Variants in SLC4A5 observed in about 807,000 individuals in gnomAD.
SLC4A5 encodes the protein solute carrier family 4 member 5, also known as electrogenic sodium bicarbonate cotransporter 4.
SLC4A5 carries 96 observed loss-of-function variants against 120.4 expected under a neutral mutation model. The ratio of observed to expected loss-of-function variants is 0.80; its 90% CI spans 0.68 to 0.94. The LOEUF is 0.94. Among genes scored for constraint, SLC4A5 ranks in the 40% least tolerant of loss-of-function variants. The pLI, the probability that SLC4A5 is intolerant of heterozygous loss-of-function variation, is 0.00. For synonymous variants in SLC4A5, 550 were observed against 571.1 expected (o/e 0.96, Z 0.53); for missense variants, 1,259 against 1,459.5 (o/e 0.86, Z 2.24).
intron 22 of SLC4A5, among the ~76,000 whole-genome samples, chr2:74,233,896 C>T (rs1670182365): frequency 6.6e-6 from 1 of 152,080 alleles, no homozygotes; most frequent in African/African-American, 2.4e-5. Flanking sequence ...GGAATGAGGC[C>T]CAGCAGAAAA....
chr2:74,302,911 C>T (rs1052278763), intron 7 of SLC4A5, among the ~76,000 whole-genome samples: 1 of 152,156 alleles, frequency 6.6e-6, no homozygotes, highest in African/African-American at 2.4e-5. Flanking sequence ...ATCTCAGAGA[C>T]CATGTCAGTA....
intron 5 of SLC4A5, among the ~76,000 whole-genome samples, chr2:74,323,556 T>C (rs1673144521): frequency 6.6e-6 from 1 of 151,886 alleles, no homozygotes. Context: ...AGCTAGAAAA[T>C]GAGGCTTTGG....
intron 18 of SLC4A5, among the ~76,000 whole-genome samples, chr2:74,247,814 C>CA (rs980556428): frequency 3.3e-5 from 5 of 151,460 alleles, no homozygotes; most frequent in Admixed American, 6.6e-5. Flanking sequence ...CACGCCCGGC[C>CA]AAAAAAAAAT....
intron 23 of SLC4A5, among the ~76,000 whole-genome samples, chr2:74,233,061 AG>A (rs1207032649): frequency 6.6e-6 from 1 of 152,178 alleles, no homozygotes; most frequent in Non-Finnish European, 1.5e-5. Context: ...GAGACCAGGA[AG>A]GCTAAGGAAG....
intron 5 of SLC4A5, among the ~76,000 whole-genome samples, chr2:74,322,400 A>G (rs1288200590): frequency 2.0e-5 from 3 of 152,168 alleles, no homozygotes; most frequent in Non-Finnish European, 2.9e-5. Flanking sequence ...AAAACTTTAA[A>G]ACAAACAAAA....
At chr2:74,340,735 C>A (rs374034299) in intron 2 of SLC4A5, among the ~76,000 whole-genome samples, 24 of 152,154 alleles carry the variant, frequency 1.6e-4, no homozygotes, top group South Asian at 6.2e-4. Context: ...CTCTTCCAGG[C>A]AACAACCCTG....
chr2:74,227,063 T>G (rs781123009), exon 27 of SLC4A5: 1 of 1,613,910 alleles, frequency 6.2e-7, no homozygotes, highest in African/African-American at 1.3e-5. Flanking sequence ...CAGCGGCACG[T>G]GCCGCAGGAA....
intron 16 of SLC4A5, among the ~76,000 whole-genome samples, chr2:74,251,344 T>C (rs546768879): frequency 6.6e-6 from 1 of 152,190 alleles, no homozygotes; most frequent in Non-Finnish European, 1.5e-5. Context: ...CATGACTTCA[T>C]TCTCAAAGTC....
intron 7 of SLC4A5, among the ~76,000 whole-genome samples, chr2:74,303,246 C>A (rs1323838547): frequency 2.0e-5 from 3 of 152,128 alleles, no homozygotes; most frequent in Non-Finnish European, 4.4e-5. Context: ...AGGCCCTGGT[C>A]AACCTAATGC....
intron 4 of SLC4A5, among the ~76,000 whole-genome samples, chr2:74,329,964 ATGG>A (rs957862393): frequency 6.6e-5 from 10 of 151,270 alleles, no homozygotes; most frequent in African/African-American, 2.4e-4. Flanking sequence ...GAGGTAGTGT[ATGG>A]TGGTGTGAAG....
At position 74,237,873 on chromosome 2, in the gene SLC4A5, G is replaced by T. The variant is rs530561768; in HGVS notation, c.2319+1462C>A. On this transcript the variant is annotated intron_variant, in intron 21 of 30. Coordinates refer to ENST00000394019, the Ensembl canonical transcript of SLC4A5. ...TCCCAGCACTTTGGGAGGCTGAGGT[G>T]GGGGGATCACCTGAGGTAAGGAGTT... Among the ~76,000 whole-genome samples, 3 of 152,212 alleles carry T rather than the reference G, an allele frequency of 2.0e-5. No individual in the cohort carries two copies. In the South Asian group the frequency reaches 6.2e-4, roughly 32 times the overall value.
Position 74,259,570 on chromosome 2 carries a change from G to A in SLC4A5, c.867+18C>T, listed in dbSNP as rs768180959. 8 of 1,613,942 alleles carry A rather than the reference G, an allele frequency of 5.0e-6. No individual in the cohort carries two copies. The highest frequency in any genetic ancestry group is 6.8e-6 in the Non-Finnish European group (8 of 1,179,796). ...TGCCCTGGCCCTCCATTGCAGCTAA[G>A]TGCAGGGGTTTTACTACCTGGTCTG... is the stretch of plus-strand genomic sequence containing the variant. On this transcript the variant is annotated intron_variant, in intron 12 of 30. Transcript: ENST00000394019.
chr2:74,298,448 A>G (rs1270100271), intron 7 of SLC4A5, among the ~76,000 whole-genome samples: 1 of 152,248 alleles, frequency 6.6e-6, no homozygotes, highest in Non-Finnish European at 1.5e-5. Context: ...CTTAAATGTA[A>G]GACCTCAAAA....
chr2:74,238,666 G>C (rs1372790484), intron 21 of SLC4A5, among the ~76,000 whole-genome samples: 2 of 152,082 alleles, frequency 1.3e-5, no homozygotes, highest in Non-Finnish European at 2.9e-5. Context: ...AAATCACAAA[G>C]AAACACTGTC....
chr2:74,266,170 C>T (rs1045999676), intron 8 of SLC4A5, among the ~76,000 whole-genome samples: 6 of 152,098 alleles, frequency 3.9e-5, no homozygotes, highest in Admixed American at 6.5e-5. Flanking sequence ...TAGAAACTTG[C>T]GGAGAAGCTT....
intron 8 of SLC4A5, among the ~76,000 whole-genome samples, chr2:74,279,381 A>C (rs936960925): frequency 6.6e-6 from 1 of 152,106 alleles, no homozygotes; most frequent in Admixed American, 6.5e-5. Flanking sequence ...AATGTCTCTC[A>C]GCCCTTGATT....
At chr2:74,307,223 C>T (rs553519396) in intron 6 of SLC4A5, 2 of 527,998 alleles carry the variant, frequency 3.8e-6, no homozygotes, top group South Asian at 3.6e-5. Flanking sequence ...TGTCTGGCTC[C>T]TCTCGGCTCT....
At chr2:74,263,198 C>G (rs1671197513) in intron 10 of SLC4A5, among the ~76,000 whole-genome samples, 1 of 152,162 alleles carries the variant, frequency 6.6e-6, no homozygotes, top group South Asian at 2.1e-4. Flanking sequence ...TGCCACCACA[C>G]TTGGCTAATT....
chr2:74,261,120 A>C (rs1296863856), intron 11 of SLC4A5, among the ~76,000 whole-genome samples: 1 of 152,142 alleles, frequency 6.6e-6, no homozygotes, highest in Non-Finnish European at 1.5e-5. Flanking sequence ...GGGCCACCTC[A>C]TGGCGGGTGC....
Sources: allele counts gnomAD v4.1 joint callset (sites outside exome capture counted in the v4.1 genomes callset), GRCh38; gene constraint gnomAD v4.1.1; transcripts MANE v1.5; gene names NCBI Gene and HGNC (gene_info 2026-07-23, HGNC 2026-07-21).